The following PPM1K variants were observed in gnomAD, a reference collection of about 807,000 sequenced individuals.
PPM1K encodes the protein protein phosphatase Mn(2+)-dependent 1K.
PPM1K carries 19 observed loss-of-function variants against 32.6 expected under a neutral mutation model. That is an observed-to-expected ratio of 0.58 (90% CI 0.41 to 0.86). The LOEUF is 0.86. Among genes scored for constraint, PPM1K ranks in the 40% least tolerant of loss-of-function variants. The pLI, the probability that PPM1K is intolerant of heterozygous loss-of-function variation, is 0.00. For synonymous variants in PPM1K, 159 were observed against 165.3 expected (o/e 0.96, Z 0.29); for missense variants, 362 against 461.2 (o/e 0.78, Z 1.97).
rs137884075 is a variant in PPM1K at position 88,268,404 on chromosome 4, C to T, written c.708-70G>A. On this transcript the variant is annotated intron_variant, in intron 4 of 6. Transcript: ENST00000608933. ...TTGGGAGGCCAAGGAGGGCAGATCA[C>T]GAGGTCAGGAGATCGAGACCATCCT... The T allele has an allele frequency of 1.1e-4, 177 of 1,553,782 alleles. 2 individuals carry two copies. Among genetic ancestry groups the T allele is most frequent in the East Asian group, 9.7e-4 (43 of 44,370 alleles).
chr4:88,274,706 T>TAAGTTTTTTTTAAAACTTA (rs1271800482), intron 3 of PPM1K, among the ~76,000 whole-genome samples: 1 of 152,194 alleles, frequency 6.6e-6, no homozygotes, highest in Non-Finnish European at 1.5e-5. Context: ...ACTTAAATAA[T>TAAGTTTTTTTTAAAACTTA]AACTTTGAAA....
intron 1 of PPM1K, 188 bp downstream of exon 1, chr4:88,284,218 G>A (rs940938501): frequency 2.6e-5 from 4 of 152,240 alleles, no homozygotes; most frequent in Admixed American, 6.5e-5. Context: ...GGAAGAAAGC[G>A]ACGCTCTGAG....
intron 1 of PPM1K, among the ~76,000 whole-genome samples, chr4:88,280,659 G>A (rs1349744984): frequency 6.6e-6 from 1 of 152,070 alleles, no homozygotes; most frequent in East Asian, 1.9e-4. Flanking sequence ...GCTACTAAGG[G>A]GGCTGAGGTG....
chr4:88,268,891 G>C lies in PPM1K; in HGVS notation c.557C>G (p.Ser186Cys), dbSNP rs1369553405. 1 of 1,607,800 alleles carries C rather than the reference G, an allele frequency of 6.2e-7. No individual in the cohort carries two copies. The highest frequency in any genetic ancestry group is 8.5e-7 in the Non-Finnish European group (1 of 1,177,820). Residue 186 changes from serine (S) to cysteine (C), a missense_variant, in exon 4 of 7, where the codon TCT becomes TGT. Coordinates refer to ENST00000608933, the MANE Select transcript of PPM1K (RefSeq NM_152542.5). Reference sequence around the variant, plus strand: ...TAGGGCTACTGTTGCAGTAGTCCCAGAGGTCAGAAGAGTTGCTACAAGTAT... The same window carrying C: ...TAGGGCTACTGTTGCAGTAGTCCCACAGGTCAGAAGAGTTGCTACAAGTAT... ...RLSADATLLT[S>C]GTTATVALLR... is the part of the protein sequence containing the mutation.
intron 1 of PPM1K, among the ~76,000 whole-genome samples, chr4:88,283,161 C>T (rs1018040470): frequency 5.9e-5 from 9 of 152,240 alleles, no homozygotes; most frequent in Admixed American, 1.3e-4. Flanking sequence ...GTCGCCCAGG[C>T]TGGAGTGCAG....
chr4:88,269,886 C>T (rs186871777), intron 3 of PPM1K, among the ~76,000 whole-genome samples: 19 of 152,320 alleles, frequency 1.2e-4, no homozygotes, highest in African/African-American at 3.8e-4. Context: ...CAGTGTCTGC[C>T]CTAAGTTCTT....
chr4:88,270,992 A>C (rs1276086504), intron 3 of PPM1K: 1 of 471,260 alleles, frequency 2.1e-6, no homozygotes, highest in Non-Finnish European at 4.2e-6. Flanking sequence ...TAAGTTCTTA[A>C]CACTCACTGG....
chr4:88,263,673 T>A (rs1181869562), intron 6 of PPM1K, among the ~76,000 whole-genome samples: 2 of 152,156 alleles, frequency 1.3e-5, no homozygotes, highest in African/African-American at 2.4e-5. Context: ...CTTGAACTCC[T>A]GGGCTCAGGC....
At chr4:88,268,439 G>A (rs957206730) in intron 4 of PPM1K, 105 bp from the exon 5 acceptor site, 77 of 1,317,512 alleles carry the variant, frequency 5.8e-5, no homozygotes, top group African/African-American at 2.2e-4. Context: ...TGGCTAACAC[G>A]GTGAAACCCC....
chr4:88,268,310 T>A lies in PPM1K; in HGVS notation c.732A>T (p.Val244=). ...KERIKKCGGF[V]AWNSLGQPHV... is the part of the protein sequence containing the mutation. ...GAGGCTGCCCCAAACTATTCCAAGC[T>A]ACAAAACCACCACATTTCTTGATCC... Residue 244 remains valine (V), a synonymous_variant, in exon 5 of 7, where the codon GTA becomes GTT. Transcript: ENST00000608933. 2.5e-6 allele frequency: 4 copies of A among 1,614,182 alleles called. No homozygotes were observed. The highest frequency in any genetic ancestry group is 3.4e-6 in the Non-Finnish European group (4 of 1,180,024).
chr4:88,280,426 G>A (rs1224684853), intron 1 of PPM1K, among the ~76,000 whole-genome samples: 2 of 152,172 alleles, frequency 1.3e-5, no homozygotes, highest in Admixed American at 6.5e-5. Flanking sequence ...CAACATTGTT[G>A]GGGGGTTGGA....
chr4:88,269,255 T>C (rs905755862), intron 3 of PPM1K, among the ~76,000 whole-genome samples: 2 of 152,150 alleles, frequency 1.3e-5, no homozygotes, highest in Non-Finnish European at 2.9e-5. Context: ...CTGAAAGTAT[T>C]AAAATTTAAT....
Position 88,268,176 on chromosome 4 carries a change from A to G in PPM1K, c.852+14T>C, listed in dbSNP as rs942559494. 1.2e-5 allele frequency: 19 copies of G among 1,613,466 alleles called. No homozygotes were observed. The highest frequency in any genetic ancestry group is 1.0e-4 in the Admixed American group (6 of 59,946). ...CTCCGCAGGTTTATCAAGTGTTTGC[A>G]GGTCCTTTCTTACCTTAATCCTCTT... On this transcript the variant is annotated intron_variant, in intron 5 of 6. Transcript: ENST00000608933.
At position 88,278,710 on chromosome 4, in the gene PPM1K, G is replaced by A. The variant is rs1731893871; in HGVS notation, c.-59-68C>T. 1 of 700,696 alleles carries A rather than the reference G, an allele frequency of 1.4e-6. No individual in the cohort carries two copies. Among genetic ancestry groups the A allele is most frequent in the East Asian group, 2.7e-5 (1 of 36,690 alleles). 43.4% of individuals were successfully genotyped at this position (700,696 alleles called of 1,614,324 possible). ...AGGGGCAGAGGAGGAGAGGGAGAGA[G>A]ACAGAGAGAGAGAGACCATCAGAAA... On this transcript the variant is annotated intron_variant, in intron 1 of 6. Coordinates refer to ENST00000608933, the MANE Select transcript of PPM1K (RefSeq NM_152542.5). This position sits in a 1 kb window ranked among gnomAD's most constrained non-coding sequence, Gnocchi z 4.2.
chr4:88,270,781 T>A (rs1196147184), intron 3 of PPM1K, among the ~76,000 whole-genome samples: 1 of 152,156 alleles, frequency 6.6e-6, no homozygotes, highest in Non-Finnish European at 1.5e-5. Context: ...AGACTTTGAG[T>A]TTTTACCAAC....
chr4:88,278,333 C>T lies in PPM1K; in HGVS notation c.251G>A (p.Gly84Asp), dbSNP rs1731872686. Residue 84 changes from glycine to aspartate, a missense_variant, in exon 2 of 7, where the codon GGC becomes GAC. Physicochemically the swap from Gly to Asp is moderately conservative, Grantham distance 94. Transcript: ENST00000608933. This position sits in a 1 kb window ranked among gnomAD's most constrained non-coding sequence, Gnocchi z 4.2. ...CAAGCTGATTTTGGGAATTGGCTTG[C>T]CATACTTAATGCTGGGTGGCAGCAG... ...PILLPPSIKY[G>D]KPIPKISLEN... 1 of 1,614,188 alleles carries T rather than the reference C, an allele frequency of 6.2e-7. No homozygotes were observed. Among genetic ancestry groups the T allele is most frequent in the Non-Finnish European group, 8.5e-7 (1 of 1,180,026 alleles).
intron 5 of PPM1K, 34 bp from the exon 6 acceptor site, chr4:88,265,169 C>T: frequency 6.2e-7 from 1 of 1,613,046 alleles, no homozygotes; most frequent in Non-Finnish European, 8.5e-7. Context: ...TGATTATAAG[C>T]TAGACTCTGC....
At chr4:88,273,054 A>G (rs897467806) in intron 3 of PPM1K, among the ~76,000 whole-genome samples, 1 of 152,242 alleles carries the variant, frequency 6.6e-6, no homozygotes, top group African/African-American at 2.4e-5. Context: ...GGCAACAGCA[A>G]TGCCATTCAA....
Position 88,277,190 on chromosome 4 carries a change from AG to A in PPM1K, c.493del (p.Leu165Ter). 6.2e-7 allele frequency: 1 copy of A among 1,614,138 alleles called. No homozygotes were observed. Among genetic ancestry groups the A allele is most frequent in the Non-Finnish European group, 8.5e-7 (1 of 1,179,962 alleles). ...ACTCGAAAAGGCTTTATCTATTTCT[AG>A]AAAAGCCAAGGTCAACAGAGTTTCC... ...NLETLLTLAF[L>X]EIDKAFSSHA... On this transcript the variant is annotated frameshift_variant, in exon 3 of 7. Coordinates refer to ENST00000608933, the MANE Select transcript of PPM1K (RefSeq NM_152542.5). LOFTEE classifies it high-confidence loss of function.
Sources: allele counts gnomAD v4.1 joint callset (sites outside exome capture counted in the v4.1 genomes callset), GRCh38; gene constraint gnomAD v4.1.1; non-coding constraint Gnocchi (gnomAD v3.1); transcripts MANE v1.5; gene names NCBI Gene and HGNC (gene_info 2026-07-23, HGNC 2026-07-21).